IL17B: variants seen among roughly 807,000 people sequenced by gnomAD.
IL17B encodes the protein interleukin 17B, also known as interleukin-17B.
In IL17B, 14 loss-of-function variants were observed where a neutral mutation model predicts 14.7. The ratio of observed to expected loss-of-function variants is 0.95; its 90% CI spans 0.63 to 1.49. The LOEUF is 1.49. Among genes scored for constraint, IL17B ranks in the 40% most tolerant of loss-of-function variants. The pLI, the probability that IL17B is intolerant of heterozygous loss-of-function variation, is 0.00. For synonymous variants in IL17B, 105 were observed against 94.8 expected (o/e 1.11, Z -0.62); for missense variants, 233 against 252.8 (o/e 0.92, Z 0.53).
upstream of IL17B, among the ~76,000 whole-genome samples, chr5:149,383,373 C>T (rs191608287): frequency 1.3e-3 from 196 of 152,316 alleles, no homozygotes; most frequent in Middle Eastern, 6.8e-3. Context: ...CTATTTCCAG[C>T]GGGCCCACCC....
At chr5:149,395,245 A>T (rs2127622069) in intron 1 of IL17B, among the ~76,000 whole-genome samples, 1 of 152,218 alleles carries the variant, frequency 6.6e-6, no homozygotes, top group South Asian at 2.1e-4. Context: ...TATGTGCTAC[A>T]TCTCCTTTAT....
At chr5:149,393,030 C>A (rs573490840) in intron 1 of IL17B, among the ~76,000 whole-genome samples, 2 of 148,186 alleles carry the variant, frequency 1.3e-5, no homozygotes, top group African/African-American at 2.5e-5. Context: ...TGTGTGTGGG[C>A]GTGTGTGTGC....
chr5:149,377,555 T>C (rs1758579394), intron 1 of IL17B, among the ~76,000 whole-genome samples: 1 of 152,240 alleles, frequency 6.6e-6, no homozygotes, highest in African/African-American at 2.4e-5. Flanking sequence ...AGTAAATGAA[T>C]GGCTGTCCCC....
At position 149,390,498 on chromosome 5, in the gene IL17B, C is replaced by G. The variant is rs114860864; in HGVS notation, n.96-13473G>C. On this transcript the variant is annotated intron_variant and non_coding_transcript_variant, in intron 1 of 2. Transcript: ENST00000505432. ...ATTCAGGGCTCTGTTGCAAGCTCAG[C>G]CTGGGCCCCCACCACTTAAGGAAAC... 2.4e-3 allele frequency among the ~76,000 whole-genome samples: 362 copies of G among 149,484 alleles called. 4 individuals are homozygous for G. The highest frequency in any genetic ancestry group is 8.4e-3 in the African/African-American group (342 of 40,526).
At chr5:149,397,053 A>T (rs1397001050) in intron 1 of IL17B, among the ~76,000 whole-genome samples, 1 of 152,182 alleles carries the variant, frequency 6.6e-6, no homozygotes, top group Non-Finnish European at 1.5e-5. Flanking sequence ...TTGTACTTGG[A>T]GAGTGGTTGT....
At chr5:149,394,886 T>C (rs750699994) in intron 1 of IL17B, among the ~76,000 whole-genome samples, 1 of 152,172 alleles carries the variant, frequency 6.6e-6, no homozygotes, top group Admixed American at 6.5e-5. Context: ...TAACTTTTAT[T>C]TTAGGTTTAA....
chr5:149,377,747 T>C (rs1758583206), intron 1 of IL17B, among the ~76,000 whole-genome samples: 1 of 150,614 alleles, frequency 6.6e-6, no homozygotes. Flanking sequence ...GGAAGGGACA[T>C]GTCAGGTGAG....
chr5:149,381,904 T>G (rs899962093), upstream of IL17B, among the ~76,000 whole-genome samples: 1 of 152,166 alleles, frequency 6.6e-6, no homozygotes, highest in Non-Finnish European at 1.5e-5. Flanking sequence ...CGAGTGAGGC[T>G]GGGGTCCTTG....
At chr5:149,386,050 G>A (rs536700589) in intron 1 of IL17B, among the ~76,000 whole-genome samples, 3 of 152,336 alleles carry the variant, frequency 2.0e-5, no homozygotes, top group South Asian at 2.1e-4. Flanking sequence ...CGAACATTAA[G>A]CTACAAACCG....
At chr5:149,383,868 G>A (rs931740078), upstream of IL17B, among the ~76,000 whole-genome samples, 5 of 152,198 alleles carry the variant, frequency 3.3e-5, no homozygotes, top group Non-Finnish European at 7.3e-5. Context: ...TCCAAGAGGT[G>A]GTCTTGTTCA....
chr5:149,400,843 G>A (rs1759191260), intron 1 of IL17B, among the ~76,000 whole-genome samples: 1 of 152,200 alleles, frequency 6.6e-6, no homozygotes, highest in Non-Finnish European at 1.5e-5. Flanking sequence ...GCAAGAACCA[G>A]GAGCTCTGAT....
chr5:149,398,042 C>T (rs1424015884), intron 1 of IL17B, among the ~76,000 whole-genome samples: 1 of 152,198 alleles, frequency 6.6e-6, no homozygotes, highest in African/African-American at 2.4e-5. Flanking sequence ...CACATACACA[C>T]CCGACATAAT....
At chr5:149,398,793 C>T (rs1053895278) in intron 1 of IL17B, among the ~76,000 whole-genome samples, 2 of 152,176 alleles carry the variant, frequency 1.3e-5, no homozygotes, top group African/African-American at 4.8e-5. Flanking sequence ...GTAATCCCAG[C>T]TACTCAGGAG....
upstream of IL17B, among the ~76,000 whole-genome samples, chr5:149,382,174 G>A (rs189399975): frequency 8.5e-5 from 13 of 152,324 alleles, no homozygotes; most frequent in East Asian, 2.5e-3. Flanking sequence ...AGGGGATGGG[G>A]CGAGTGGGTG....
chr5:149,398,096 T>C (rs1759127949), intron 1 of IL17B, among the ~76,000 whole-genome samples: 1 of 152,156 alleles, frequency 6.6e-6, no homozygotes, highest in Non-Finnish European at 1.5e-5. Context: ...GTCAAGTCGA[T>C]ACCTAAAATT....
Position 149,392,955 on chromosome 5 carries a change from T to A in IL17B, n.95+11153A>T, listed in dbSNP as rs201819236. Among the ~76,000 whole-genome samples, 4 of 150,762 alleles carry A rather than the reference T, an allele frequency of 2.7e-5. No individual in the cohort carries two copies. The Middle Eastern group carries it at 0.01, about 385-fold the overall frequency. On this transcript the variant is annotated intron_variant and non_coding_transcript_variant, in intron 1 of 2. Transcript: ENST00000505432. ...GTGTACGTGCGTGTGTGCGTGCGTG[T>A]GTGCGTGTGTGTGCGCGCGTGCGTG... is the stretch of plus-strand genomic sequence containing the variant.
At chr5:149,395,754 C>G (rs187076147) in intron 1 of IL17B, among the ~76,000 whole-genome samples, 15 of 152,284 alleles carry the variant, frequency 9.9e-5, no homozygotes, top group Admixed American at 5.2e-4. Flanking sequence ...CTCACTGCAA[C>G]CTCTGCCTCC....
At chr5:149,383,509 G>A (rs1758752790), upstream of IL17B, among the ~76,000 whole-genome samples, 1 of 152,152 alleles carries the variant, frequency 6.6e-6, no homozygotes, top group Admixed American at 6.5e-5. Flanking sequence ...GACCAGGAGG[G>A]TGCAGCCCCC....
chr5:149,378,013 G>A (rs760415903), intron 1 of IL17B, among the ~76,000 whole-genome samples: 9 of 152,108 alleles, frequency 5.9e-5, no homozygotes, highest in African/African-American at 1.7e-4. Context: ...GTGTGGTGGC[G>A]GGTGCCTGTA....
Sources: gnomAD v4.1 joint callset for allele counts (sites outside exome capture counted in the v4.1 genomes callset) on GRCh38, gnomAD v4.1.1 for gene constraint, MANE v1.5 for transcripts, NCBI Gene and HGNC (gene_info 2026-07-23, HGNC 2026-07-21) for gene names.